Variants in EHBP1 observed in about 807,000 individuals in gnomAD.
The protein encoded by EHBP1 is EH domain binding protein 1.
A neutral mutation model predicts 144.0 loss-of-function variants in EHBP1; 55 were observed. The ratio of observed to expected loss-of-function variants is 0.38; its 90% confidence interval spans 0.31 to 0.48. EHBP1 has a LOEUF of 0.48. Among genes scored for constraint, EHBP1 ranks in the 20% least tolerant of loss-of-function variants. EHBP1 has a pLI of 0.98. For missense variants in EHBP1, 1,200 were observed against 1,364.2 expected (o/e 0.88, Z 1.90); for synonymous variants, 469 against 472.7 (o/e 0.99, Z 0.10).
At chr2:62,855,875 C>T (rs952824282) in intron 7 of EHBP1, among the ~76,000 whole-genome samples, 1 of 152,078 alleles carries the variant, frequency 6.6e-6, no homozygotes, top group Non-Finnish European at 1.5e-5. Flanking sequence ...GACAATGGGT[C>T]GACCTGCCTG....
intron 10 of EHBP1, among the ~76,000 whole-genome samples, chr2:62,893,365 T>G (rs1256879172): frequency 6.6e-6 from 1 of 152,150 alleles, no homozygotes; most frequent in Non-Finnish European, 1.5e-5. Context: ...GATGTTAAAG[T>G]GCTGTAAAGT....
chr2:62,864,026 A>C (rs1558816248), intron 8 of EHBP1, among the ~76,000 whole-genome samples: 4 of 151,020 alleles, frequency 2.6e-5, no homozygotes, highest in Admixed American at 2.6e-4. Context: ...TTTGTGTATT[A>C]AGTAGAGACA....
chr2:62,869,634 A>G (rs1160656000), intron 9 of EHBP1, among the ~76,000 whole-genome samples: 1 of 152,224 alleles, frequency 6.6e-6, no homozygotes, highest in Non-Finnish European at 1.5e-5. Context: ...GGAGGGAGGA[A>G]GAGATTAAAA....
Position 63,046,089 on chromosome 2 carries a change from C to T in EHBP1, c.*589C>T, listed in dbSNP as rs1158988781. 2 of 153,006 alleles carry T rather than the reference C, an allele frequency of 1.3e-5. No individual in the cohort carries two copies. The highest frequency in any genetic ancestry group is 2.4e-5 in the African/African-American group (1 of 41,436). 9.5% of individuals were successfully genotyped at this position (153,006 alleles called of 1,614,324 possible). On this transcript the variant is annotated 3_prime_UTR_variant, in exon 23 of 23. Coordinates refer to ENST00000431489, the MANE Select transcript of EHBP1 (RefSeq NM_001142616.3). The stretch of plus-strand genomic sequence containing the variant: ...TTTCACTGTAAGGATAATGGAGTTC[C>T]TCTCCTCTGCTTTCCTCAGAGGATG...
chr2:62,836,505 G>A (rs1167695783), intron 7 of EHBP1, among the ~76,000 whole-genome samples: 1 of 143,570 alleles, frequency 7.0e-6, no homozygotes, highest in African/African-American at 2.6e-5. Context: ...TGACTTTGAC[G>A]AGCTGAGAGA....
At chr2:62,868,106 G>A (rs942168260) in intron 9 of EHBP1, among the ~76,000 whole-genome samples, 2 of 152,122 alleles carry the variant, frequency 1.3e-5, no homozygotes, top group African/African-American at 4.8e-5. Context: ...CAGGCACAGT[G>A]GCTCACACCT....
intron 10 of EHBP1, among the ~76,000 whole-genome samples, chr2:62,909,265 A>G (rs917030987): frequency 2.0e-5 from 3 of 151,526 alleles, no homozygotes; most frequent in African/African-American, 7.3e-5. Context: ...TGCAACCTCC[A>G]CCTCCCAGGC....
chr2:62,885,064 A>G (rs1477318998), intron 10 of EHBP1, among the ~76,000 whole-genome samples: 1 of 152,256 alleles, frequency 6.6e-6, no homozygotes, highest in African/African-American at 2.4e-5. Context: ...ATAAAAAATT[A>G]CACAACAATT....
intron 10 of EHBP1, among the ~76,000 whole-genome samples, chr2:62,925,502 A>G (rs1441222555): frequency 1.3e-5 from 2 of 152,194 alleles, no homozygotes; most frequent in Non-Finnish European, 2.9e-5. Context: ...AAATGTTATT[A>G]TTAAAAAAAG....
intron 1 of EHBP1, among the ~76,000 whole-genome samples, chr2:62,676,308 A>C (rs550951444): frequency 1.3e-5 from 2 of 152,386 alleles, no homozygotes; most frequent in African/African-American, 4.8e-5. Context: ...CTGAAGATAC[A>C]GATGTAAAAT....
chr2:62,932,140 G>C (rs1002529107), intron 10 of EHBP1, among the ~76,000 whole-genome samples: 1 of 150,866 alleles, frequency 6.6e-6, no homozygotes, highest in Non-Finnish European at 1.5e-5. Flanking sequence ...TTGTGCCACT[G>C]TACTCTAGCC....
At chr2:62,820,737 A>AAT (rs57039974) in intron 5 of EHBP1, among the ~76,000 whole-genome samples, 6,596 of 54,090 alleles carry the variant, frequency 0.12, 484 homozygotes, top group Middle Eastern at 0.15. Flanking sequence ...GTGTGTGTAT[A>AAT]ATATATATAT....
At chr2:63,019,480 G>A (rs1358784856) in intron 19 of EHBP1, among the ~76,000 whole-genome samples, 4 of 152,062 alleles carry the variant, frequency 2.6e-5, no homozygotes, top group Non-Finnish European at 5.9e-5. Context: ...AGGCCCAGGC[G>A]GGCAGATCAC....
At chr2:62,683,658 CAAAAAAAAAAAAA>C (rs397936534) in intron 1 of EHBP1, among the ~76,000 whole-genome samples, 5 of 50,142 alleles carry the variant, frequency 1.0e-4, no homozygotes, top group Non-Finnish European at 1.7e-4. Flanking sequence ...GACTCCATCT[CAAAAAAAAAAAAA>C]AAAAAAAAAA....
intron 12 of EHBP1, among the ~76,000 whole-genome samples, chr2:62,947,867 G>C (rs1017908455): frequency 6.6e-6 from 1 of 152,038 alleles, no homozygotes; most frequent in Non-Finnish European, 1.5e-5. Context: ...GACTTATCTA[G>C]CTGTGCTTTT....
chr2:63,031,039 C>T (rs1047913140), intron 19 of EHBP1, among the ~76,000 whole-genome samples: 3 of 151,568 alleles, frequency 2.0e-5, no homozygotes, highest in African/African-American at 4.8e-5. Flanking sequence ...TCAGGTGATC[C>T]GCCCACCTCG....
intron 7 of EHBP1, among the ~76,000 whole-genome samples, chr2:62,847,130 C>G (rs1448048225): frequency 6.6e-6 from 1 of 152,084 alleles, no homozygotes; most frequent in African/African-American, 2.4e-5. Flanking sequence ...ATAAATAGAT[C>G]AACAGAACAA....
chr2:63,023,835 A>C lies in EHBP1; in HGVS notation c.3104-13700A>C, dbSNP rs1056403441. On this transcript the variant is annotated intron_variant, in intron 19 of 22. Transcript: ENST00000431489. ...AAGATACAAGTCAAGGAAGACATTT[A>C]GATTGATATAATTGTTTATTTTAAA... is the stretch of plus-strand genomic sequence containing the variant. Among the ~76,000 whole-genome samples, 4 of 152,244 alleles carry C rather than the reference A, an allele frequency of 2.6e-5. No individual in the cohort carries two copies. The East Asian group carries it at 5.8e-4, about 22-fold the overall frequency.
chr2:63,032,714 G>T (rs1328581598), intron 19 of EHBP1, among the ~76,000 whole-genome samples: 1 of 151,976 alleles, frequency 6.6e-6, no homozygotes. Flanking sequence ...TGGTGAAGTT[G>T]TCTGTGCCTC....
Sources: gnomAD v4.1 joint callset for allele counts (sites outside exome capture counted in the v4.1 genomes callset) on GRCh38, gnomAD v4.1.1 for gene constraint, MANE v1.5 for transcripts, NCBI Gene and HGNC (gene_info 2026-07-23, HGNC 2026-07-21) for gene names.